Variants in ELP4 observed in about 807,000 individuals in gnomAD.
ELP4 encodes the protein elongator complex protein 4.
In ELP4, 51 loss-of-function variants were observed where a neutral mutation model predicts 48.9. The observed-to-expected ratio is 1.04, with a 90% CI of 0.83 to 1.32. The LOEUF is 1.32. Among genes scored for constraint, ELP4 ranks in the 40% most tolerant of loss-of-function variants. The pLI is 0.00. For missense variants in ELP4, 519 were observed against 514.6 expected, an observed-to-expected ratio of 1.01 and a Z score of -0.08; for synonymous variants, 210 against 189.2, an observed-to-expected ratio of 1.11 and a Z score of -0.90.
At chr11:31,563,848 T>C (rs991831322) in intron 3 of ELP4, among the ~76,000 whole-genome samples, 7 of 152,098 alleles carry the variant, frequency 4.6e-5, no homozygotes, top group Admixed American at 1.3e-4. Context: ...AAGAAAGATA[T>C]AACAACAATA....
intron 7 of ELP4, chr11:31,634,131 A>C (rs1944923753): frequency 6.6e-6 from 1 of 152,042 alleles, no homozygotes; most frequent in Non-Finnish European, 1.5e-5. Context: ...GCTAACTCTA[A>C]AATTTAAACT....
intron 4 of ELP4, chr11:31,599,807 A>G (rs567450166): frequency 2.0e-5 from 3 of 152,282 alleles, no homozygotes; most frequent in South Asian, 2.1e-4. Flanking sequence ...ACTTCTCACC[A>G]GGATCCTTCC....
chr11:31,694,967 T>A, intron 9 of ELP4, among the ~76,000 whole-genome samples: 1 of 152,184 alleles, frequency 6.6e-6, no homozygotes, highest in South Asian at 2.1e-4. Flanking sequence ...TGTCTGTTAT[T>A]GGTGTATAAG....
At chr11:31,735,606 T>C (rs1947294463) in intron 9 of ELP4, among the ~76,000 whole-genome samples, 1 of 152,164 alleles carries the variant, frequency 6.6e-6, no homozygotes, top group Non-Finnish European at 1.5e-5. Flanking sequence ...CTCCTTAAGC[T>C]GATAAGCAAC....
At chr11:31,764,539 C>T (rs1462180405) in intron 9 of ELP4, among the ~76,000 whole-genome samples, 1 of 152,182 alleles carries the variant, frequency 6.6e-6, no homozygotes, top group East Asian at 1.9e-4. Flanking sequence ...TTTATCAAAT[C>T]ACCTTCTGGT....
rs1332808917 is a variant in ELP4 at position 31,634,439 on chromosome 11, A to T, written c.927+2034A>T. 3 of 152,066 alleles carry T rather than the reference A, an allele frequency of 2.0e-5. No homozygotes were observed. In the East Asian group the frequency reaches 5.8e-4, roughly 29 times the overall value. 9.4% of individuals were successfully genotyped at this position (152,066 alleles called of 1,614,324 possible). The stretch of plus-strand genomic sequence containing the variant: ...ATGTACATATGTAACTTTAAATTTT[A>T]TTCCAAAGGGGCCTCTGTGAGAAAA... On this transcript the variant is annotated intron_variant, in intron 7 of 9. Coordinates refer to ENST00000640961, the MANE Select transcript of ELP4 (RefSeq NM_019040.5).
chr11:31,723,963 T>C (rs1188692918), intron 9 of ELP4, among the ~76,000 whole-genome samples: 1 of 152,212 alleles, frequency 6.6e-6, no homozygotes, highest in East Asian at 1.9e-4. Context: ...TAGGGTTGTC[T>C]ATGTGAAAGG....
chr11:31,697,531 A>C (rs1946435876), intron 9 of ELP4, among the ~76,000 whole-genome samples: 1 of 152,146 alleles, frequency 6.6e-6, no homozygotes, highest in African/African-American at 2.4e-5. Context: ...CTTCATTTAC[A>C]AATAATCTTA....
chr11:31,644,674 G>A (rs1945166981), intron 7 of ELP4, among the ~76,000 whole-genome samples: 5 of 151,560 alleles, frequency 3.3e-5, no homozygotes, highest in African/African-American at 1.2e-4. Flanking sequence ...TTATCTAAAA[G>A]ACCATTTAGT....
intron 3 of ELP4, among the ~76,000 whole-genome samples, chr11:31,556,531 T>C (rs1956932532): frequency 1.3e-5 from 2 of 152,046 alleles, no homozygotes; most frequent in South Asian, 4.1e-4. Context: ...TAATTTTTAA[T>C]AAGTTATGTG....
At chr11:31,559,587 T>C (rs765534411) in intron 3 of ELP4, among the ~76,000 whole-genome samples, 2 of 152,126 alleles carry the variant, frequency 1.3e-5, no homozygotes, top group African/African-American at 2.4e-5. Flanking sequence ...CCTCGACTTC[T>C]CAGTAATCAA....
intron 5 of ELP4, among the ~76,000 whole-genome samples, chr11:31,611,481 G>T (rs565901049): frequency 1.3e-5 from 2 of 152,116 alleles, no homozygotes; most frequent in East Asian, 3.9e-4. Flanking sequence ...TAATCTGATC[G>T]CTATCTCTCT....
At chr11:31,682,919 C>T (rs571582215) in intron 9 of ELP4, among the ~76,000 whole-genome samples, 1 of 152,204 alleles carries the variant, frequency 6.6e-6, no homozygotes, top group African/African-American at 2.4e-5. Context: ...ACACCTTGCC[C>T]ATTTGACGGT....
Position 31,647,750 on chromosome 11 carries a change from A to T in ELP4, c.937A>T (p.Ile313Phe). Residue 313 changes from isoleucine (I) to phenylalanine (F), a missense_variant, in exon 8 of 10, where the codon ATT becomes TTT. Transcript: ENST00000640961. ...TTTCCATGTTTTGCAGAATAAAGCC[A>T]TTATTGCCCGTGTCACAACCTTGTC... ...MPTHLIQNKA[I>F]IARVTTLSDV... 2 of 1,605,500 alleles carry T rather than the reference A, an allele frequency of 1.2e-6. No homozygotes were observed. The highest frequency in any genetic ancestry group is 1.7e-5 in the Admixed American group (1 of 59,760).
intron 9 of ELP4, among the ~76,000 whole-genome samples, chr11:31,743,241 A>G (rs1016950929): frequency 6.6e-6 from 1 of 152,216 alleles, no homozygotes; most frequent in Non-Finnish European, 1.5e-5. Flanking sequence ...ACCCAGATTC[A>G]TAAAGCAAGT....
At chr11:31,710,624 G>GAA (rs757991878) in intron 9 of ELP4, among the ~76,000 whole-genome samples, 22 of 110,218 alleles carry the variant, frequency 2.0e-4, no homozygotes, top group African/African-American at 6.7e-4. Flanking sequence ...GACCCCATCT[G>GAA]AAAAAAAAAA....
At chr11:31,531,418 T>C (rs1380153218) in intron 2 of ELP4, among the ~76,000 whole-genome samples, 1 of 152,224 alleles carries the variant, frequency 6.6e-6, no homozygotes, top group Non-Finnish European at 1.5e-5. Context: ...GGAATGTTTA[T>C]TAAATACTAC....
At chr11:31,700,936 C>T (rs10835810) in intron 9 of ELP4, among the ~76,000 whole-genome samples, 46,238 of 151,856 alleles carry the variant, frequency 0.3, 8,637 homozygotes, top group East Asian at 0.45. Flanking sequence ...ATTTCTTCCT[C>T]TCCTCCGTGG....
At chr11:31,715,164 A>G (rs1432363476) in intron 9 of ELP4, 1 of 176,082 alleles carries the variant, frequency 5.7e-6, no homozygotes, top group Non-Finnish European at 1.2e-5. Flanking sequence ...ATTTGAGAAA[A>G]AGAAGAGAAA....
Sources: gnomAD v4.1 joint callset for allele counts (sites outside exome capture counted in the v4.1 genomes callset) on GRCh38, gnomAD v4.1.1 for gene constraint, MANE v1.5 for transcripts, NCBI Gene and HGNC (gene_info 2026-07-23, HGNC 2026-07-21) for gene names.